The following TRAPPC9 variants were observed in gnomAD, a reference collection of about 807,000 sequenced individuals.
The protein encoded by TRAPPC9 is trafficking protein particle complex subunit 9, also known as IKK2 binding protein.
In TRAPPC9, 83 loss-of-function variants were observed where a neutral mutation model predicts 124.0. The observed-to-expected ratio is 0.67, with a 90% CI of 0.56 to 0.80. The LOEUF is 0.80. Among genes scored for constraint, TRAPPC9 ranks in the 30% least tolerant of loss-of-function variants. TRAPPC9 has a pLI of 0.00. For missense variants in TRAPPC9, 1,302 were observed against 1,508.3 expected (o/e 0.86, Z 2.27); for synonymous variants, 638 against 617.5 (o/e 1.03, Z -0.49).
At chr8:139,922,576 C>T (rs1832580370) in intron 19 of TRAPPC9, among the ~76,000 whole-genome samples, 1 of 152,234 alleles carries the variant, frequency 6.6e-6, no homozygotes, top group Non-Finnish European at 1.5e-5. Flanking sequence ...ACACACAGGA[C>T]ATGTCATTCC....
intron 1 of TRAPPC9, among the ~76,000 whole-genome samples, chr8:140,452,343 C>T (rs1371328227): frequency 2.7e-5 from 4 of 146,922 alleles, no homozygotes; most frequent in Non-Finnish European, 4.4e-5. Context: ...TGGCATGAAC[C>T]AGGGAGGCAG....
intron 17 of TRAPPC9, among the ~76,000 whole-genome samples, chr8:140,143,425 T>C (rs777904105): frequency 1.3e-5 from 2 of 152,360 alleles, no homozygotes; most frequent in East Asian, 1.9e-4. Context: ...CCTCCCCTTT[T>C]GGAAATTCTC....
At chr8:139,964,990 G>A (rs371901605) in intron 19 of TRAPPC9, among the ~76,000 whole-genome samples, 2 of 152,132 alleles carry the variant, frequency 1.3e-5, no homozygotes, top group Non-Finnish European at 2.9e-5. Context: ...CACTGGACTC[G>A]GGGCCAGGTG....
rs575958749 is a variant in TRAPPC9, at chr8:139,971,630, T to G, written c.2810+17096A>C. Among the ~76,000 whole-genome samples the G allele has an allele frequency of 2.3e-4, 35 of 152,158 alleles. No homozygotes were observed. In the East Asian group the frequency reaches 2.7e-3, roughly 12 times the overall value. On this transcript the variant is annotated intron_variant, in intron 19 of 22. Coordinates refer to ENST00000438773, the MANE Select transcript of TRAPPC9 (RefSeq NM_001160372.4). ...AAGAACCATGCCTTGTTCTCAGCTGTTTCACCAGCACCAGGCGTGCCTGGC... is the reference window on the plus strand; with the variant it reads ...AAGAACCATGCCTTGTTCTCAGCTGGTTCACCAGCACCAGGCGTGCCTGGC...
Position 139,776,348 on chromosome 8 carries a change from G to A in TRAPPC9, c.3056-44146C>T, listed in dbSNP as rs150649515. 7.2e-5 allele frequency among the ~76,000 whole-genome samples: 11 copies of A among 152,194 alleles called. No individual in the cohort carries two copies. The highest frequency in any genetic ancestry group is 2.4e-4 in the African/African-American group (10 of 41,444). On this transcript the variant is annotated intron_variant, in intron 21 of 22. Transcript: ENST00000438773. The surrounding 1 kb of genome is among the most constrained non-coding windows in gnomAD (Gnocchi z 4.1). ...GCTGCTATGTGACGTCATCTCACTC[G>A]TCACAACATAGTATTGATCGGTTTG...
At chr8:139,921,889 C>T (rs1025126163) in intron 19 of TRAPPC9, among the ~76,000 whole-genome samples, 7 of 151,396 alleles carry the variant, frequency 4.6e-5, no homozygotes, top group Admixed American at 2.0e-4. Context: ...CACCTGCCCC[C>T]CACTGCCACA....
intron 9 of TRAPPC9, among the ~76,000 whole-genome samples, chr8:140,334,636 C>A (rs954933338): frequency 6.7e-6 from 1 of 149,366 alleles, no homozygotes; most frequent in Non-Finnish European, 1.5e-5. Context: ...GGCGACAGAG[C>A]GAGACTCTGT....
intron 17 of TRAPPC9, among the ~76,000 whole-genome samples, chr8:140,030,721 C>T (rs1261298711): frequency 6.6e-6 from 1 of 152,114 alleles, no homozygotes; most frequent in Non-Finnish European, 1.5e-5. Context: ...TGGAAGAATC[C>T]AAAACCCCTT....
At chr8:140,115,727 C>T (rs924052639) in intron 17 of TRAPPC9, among the ~76,000 whole-genome samples, 1 of 152,130 alleles carries the variant, frequency 6.6e-6, no homozygotes, top group African/African-American at 2.4e-5. Flanking sequence ...GACAAGCAGC[C>T]TGGCGAAGGG....
chr8:139,978,670 T>C (rs190652508), intron 19 of TRAPPC9, among the ~76,000 whole-genome samples: 2 of 152,272 alleles, frequency 1.3e-5, no homozygotes, highest in African/African-American at 4.8e-5. Flanking sequence ...GAAATCTCCA[T>C]AATAAAGCTG....
At chr8:139,884,103 T>C (rs1829852324) in intron 21 of TRAPPC9, among the ~76,000 whole-genome samples, 1 of 152,154 alleles carries the variant, frequency 6.6e-6, no homozygotes, top group Non-Finnish European at 1.5e-5. Flanking sequence ...AATCGACATT[T>C]GTAAACGTGT....
intron 9 of TRAPPC9, among the ~76,000 whole-genome samples, chr8:140,336,955 A>C (rs2067060081): frequency 6.6e-6 from 1 of 152,194 alleles, no homozygotes. Context: ...AGCTTCCAAA[A>C]CTTAGAAAAC....
At chr8:139,882,702 T>C (rs150881114) in intron 21 of TRAPPC9, among the ~76,000 whole-genome samples, 87 of 152,240 alleles carry the variant, frequency 5.7e-4, no homozygotes, top group African/African-American at 2.0e-3. Flanking sequence ...GAGGAAACAA[T>C]AGTGCATGGT....
At chr8:140,279,311 G>T (rs767942350) in intron 14 of TRAPPC9, among the ~76,000 whole-genome samples, 1 of 152,080 alleles carries the variant, frequency 6.6e-6, no homozygotes, top group Non-Finnish European at 1.5e-5. Context: ...TTTATTAATT[G>T]CTAGTCCTAC....
chr8:140,375,193 A>G (rs1373353220), intron 7 of TRAPPC9, among the ~76,000 whole-genome samples: 1 of 152,174 alleles, frequency 6.6e-6, no homozygotes, highest in Non-Finnish European at 1.5e-5. Context: ...AATGAGATGA[A>G]ATCCCCAAAC....
intron 17 of TRAPPC9, among the ~76,000 whole-genome samples, chr8:140,080,442 C>T (rs897043773): frequency 6.6e-6 from 1 of 152,192 alleles, no homozygotes; most frequent in African/African-American, 2.4e-5. Context: ...AAGCATGGCA[C>T]TGGCATCTGT....
intron 21 of TRAPPC9, among the ~76,000 whole-genome samples, chr8:139,847,168 G>A (rs1308838781): frequency 6.6e-6 from 1 of 152,214 alleles, no homozygotes; most frequent in Admixed American, 6.5e-5. Context: ...GGTTCCTGGG[G>A]AGCAAATGCA....
intron 15 of TRAPPC9, among the ~76,000 whole-genome samples, chr8:140,254,814 T>A (rs4736161): frequency 6.6e-6 from 1 of 152,166 alleles, no homozygotes; most frequent in Admixed American, 6.5e-5. Context: ...CAGTCTAGAA[T>A]CCTAGATCCA....
At chr8:140,281,683 C>A (rs76487522) in intron 14 of TRAPPC9, among the ~76,000 whole-genome samples, 35,114 of 152,104 alleles carry the variant, frequency 0.23, 5,216 homozygotes, top group East Asian at 0.71. Context: ...AATTCAAGGT[C>A]ATGATAATTT....
Sources: allele counts gnomAD v4.1 joint callset (sites outside exome capture counted in the v4.1 genomes callset), GRCh38; gene constraint gnomAD v4.1.1; non-coding constraint Gnocchi (gnomAD v3.1); transcripts MANE v1.5; gene names NCBI Gene and HGNC (gene_info 2026-07-23, HGNC 2026-07-21).